Variants in DSCAML1 observed in about 807,000 individuals in gnomAD.
DSCAML1 encodes the protein cell adhesion molecule DSCAML1.
In DSCAML1, 38 loss-of-function variants were observed where a neutral mutation model predicts 200.5. The observed-to-expected ratio is 0.19, with a 90% CI of 0.15 to 0.25. The LOEUF is 0.25. DSCAML1 is among the 10% of genes least tolerant of loss of function. The probability of loss-of-function intolerance (pLI) is 1.00; values close to 1 mark genes in which losing one functional copy is unlikely to be tolerated. For synonymous variants in DSCAML1, 1,215 were observed against 1,165.0 expected, an observed-to-expected ratio of 1.04 and a Z score of -0.87; for missense variants, 2,223 against 2,858.8, an observed-to-expected ratio of 0.78 and a Z score of 5.07.
chr11:117,794,300 G>A (rs1039637675), intron 1 of DSCAML1, among the ~76,000 whole-genome samples: 1 of 152,180 alleles, frequency 6.6e-6, no homozygotes, highest in East Asian at 1.9e-4. Context: ...ATGGAACAAC[G>A]GAGAGCGCCT....
intron 4 of DSCAML1, among the ~76,000 whole-genome samples, chr11:117,527,549 T>C (rs1346305894): frequency 6.6e-6 from 1 of 152,210 alleles, no homozygotes. Flanking sequence ...TGTGGAATTA[T>C]AGAGCTGGCT....
intron 3 of DSCAML1, among the ~76,000 whole-genome samples, chr11:117,620,054 G>A (rs1408827003): frequency 2.0e-5 from 3 of 152,188 alleles, no homozygotes; most frequent in East Asian, 1.9e-4. Context: ...TCTTTAGTAC[G>A]GTGCTTGGTA....
At chr11:117,447,106 T>A (rs1207797626) in intron 20 of DSCAML1, among the ~76,000 whole-genome samples, 1 of 152,116 alleles carries the variant, frequency 6.6e-6, no homozygotes, top group Non-Finnish European at 1.5e-5. Flanking sequence ...CTGGCCAACA[T>A]GGTGAAACCC....
rs570323203 is a variant in DSCAML1, at chr11:117,481,891, C to T, written c.2559+72G>A. 1.5e-3 allele frequency: 2,299 copies of T among 1,579,120 alleles called. 5 individuals are homozygous for T. The highest frequency in any genetic ancestry group is 1.8e-3 in the Non-Finnish European group (2,074 of 1,155,860). On this transcript the variant is annotated intron_variant, in intron 12 of 32. Transcript: ENST00000651296. ...AGGCTCCCCATTTGCCTCCTGGATG[C>T]AGATGTGATAGCTGCGGGCTCCCCA...
At chr11:117,702,810 T>C (rs2053693162) in intron 3 of DSCAML1, among the ~76,000 whole-genome samples, 1 of 152,198 alleles carries the variant, frequency 6.6e-6, no homozygotes, top group Non-Finnish European at 1.5e-5. Flanking sequence ...GTAGTTCTAA[T>C]TCTTTAATTT....
At chr11:117,491,275 T>TA (rs1005500582) in intron 11 of DSCAML1, among the ~76,000 whole-genome samples, 2 of 152,202 alleles carry the variant, frequency 1.3e-5, no homozygotes, top group African/African-American at 4.8e-5. Flanking sequence ...ACTGAGAGCT[T>TA]ACTATGTGCC....
At chr11:117,429,788 C>G (rs943957329) in intron 32 of DSCAML1, among the ~76,000 whole-genome samples, 1 of 152,254 alleles carries the variant, frequency 6.6e-6, no homozygotes, top group Non-Finnish European at 1.5e-5. Flanking sequence ...CCCCGGGGAG[C>G]TGGGCCAGGC....
chr11:117,599,576 C>G (rs931326492), intron 3 of DSCAML1, among the ~76,000 whole-genome samples: 1 of 152,092 alleles, frequency 6.6e-6, no homozygotes, highest in African/African-American at 2.4e-5. Context: ...CACCGTAGCC[C>G]CTCTCTATAC....
intron 3 of DSCAML1, among the ~76,000 whole-genome samples, chr11:117,537,521 T>A (rs2050192131): frequency 6.6e-6 from 1 of 152,150 alleles, no homozygotes; most frequent in South Asian, 2.1e-4. Flanking sequence ...GCTCTGCCAC[T>A]CATGTTGGGG....
intron 3 of DSCAML1, among the ~76,000 whole-genome samples, chr11:117,746,731 C>T (rs957273840): frequency 2.0e-5 from 3 of 152,172 alleles, no homozygotes; most frequent in Non-Finnish European, 2.9e-5. Context: ...GCTCCCCAAA[C>T]ACACAGGGCT....
chr11:117,762,785 C>T lies in DSCAML1; in HGVS notation c.511+14006G>A, dbSNP rs148864446. 9.4e-4 allele frequency among the ~76,000 whole-genome samples: 143 copies of T among 151,980 alleles called. 1 individual carries two copies. In the East Asian group the frequency reaches 0.024, roughly 25 times the overall value. ...GGCTGAGACAGGAGAATCACTTGAACCCATGAGGTGGAGGTTGCAGTGAGC... is the reference window on the plus strand; with the variant it reads ...GGCTGAGACAGGAGAATCACTTGAATCCATGAGGTGGAGGTTGCAGTGAGC... On this transcript the variant is annotated intron_variant, in intron 3 of 32. Transcript: ENST00000651296.
intron 3 of DSCAML1, among the ~76,000 whole-genome samples, chr11:117,705,243 C>T (rs1223094620): frequency 6.6e-6 from 1 of 152,136 alleles, no homozygotes; most frequent in Non-Finnish European, 1.5e-5. Flanking sequence ...GTTACAGAGG[C>T]CGGGTAGTGC....
At chr11:117,749,444 C>T (rs888118916) in intron 3 of DSCAML1, among the ~76,000 whole-genome samples, 5 of 152,334 alleles carry the variant, frequency 3.3e-5, no homozygotes, top group Admixed American at 6.5e-5. Flanking sequence ...TGAGAGGCCA[C>T]GAACTGCCCT....
At chr11:117,712,820 G>T (rs936532017) in intron 3 of DSCAML1, among the ~76,000 whole-genome samples, 2 of 151,860 alleles carry the variant, frequency 1.3e-5, no homozygotes, top group Non-Finnish European at 2.9e-5. Flanking sequence ...TGTGTCTTCC[G>T]CTCCTCCTTG....
intron 1 of DSCAML1, among the ~76,000 whole-genome samples, chr11:117,811,338 T>G (rs1291665090): frequency 1.3e-5 from 2 of 152,084 alleles, no homozygotes; most frequent in Admixed American, 6.6e-5. Context: ...CTCCCGACAT[T>G]AAATAAAACT....
chr11:117,685,736 C>T (rs1414360754), intron 3 of DSCAML1, among the ~76,000 whole-genome samples: 1 of 152,210 alleles, frequency 6.6e-6, no homozygotes, highest in Non-Finnish European at 1.5e-5. Context: ...TCCTTATCTG[C>T]ATACTTACCC....
chr11:117,474,471 T>G (rs2048748666), intron 14 of DSCAML1, among the ~76,000 whole-genome samples: 1 of 152,174 alleles, frequency 6.6e-6, no homozygotes, highest in Non-Finnish European at 1.5e-5. Context: ...CATTCTATTT[T>G]CATCTCTGCG....
At chr11:117,454,457 T>G (rs182502315) in intron 19 of DSCAML1, among the ~76,000 whole-genome samples, 20 of 152,392 alleles carry the variant, frequency 1.3e-4, no homozygotes, top group Non-Finnish European at 2.6e-4. Context: ...TCAACTGAGT[T>G]CTTAATTTCA....
intron 3 of DSCAML1, among the ~76,000 whole-genome samples, chr11:117,615,307 G>A (rs1246023916): frequency 6.6e-6 from 1 of 152,210 alleles, no homozygotes; most frequent in East Asian, 1.9e-4. Flanking sequence ...GGCCTGAGCT[G>A]TCTTCTTTTG....
Sources: allele counts gnomAD v4.1 joint callset (sites outside exome capture counted in the v4.1 genomes callset), GRCh38; gene constraint gnomAD v4.1.1; transcripts MANE v1.5; gene names NCBI Gene and HGNC (gene_info 2026-07-23, HGNC 2026-07-21).